Variants in NLGN1 observed in about 807,000 individuals in gnomAD.
The protein encoded by NLGN1 is neuroligin-1.
In NLGN1, 12 loss-of-function variants were observed where a neutral mutation model predicts 65.5. The ratio of observed to expected loss-of-function variants is 0.18; its 90% confidence interval spans 0.12 to 0.30. NLGN1 has a LOEUF of 0.30. NLGN1 is among the 10% of genes least tolerant of loss of function. NLGN1 has a pLI of 1.00. For missense variants in NLGN1, 750 were observed against 1,007.1 expected (o/e 0.74, Z 3.46); for synonymous variants, 350 against 359.5 (o/e 0.97, Z 0.30).
chr3:173,407,465 C>T (rs1711516930), intron 1 of NLGN1, among the ~76,000 whole-genome samples: 1 of 152,066 alleles, frequency 6.6e-6, no homozygotes. Context: ...ATTTAAAGAG[C>T]AGTAATACAT....
intron 4 of NLGN1, among the ~76,000 whole-genome samples, chr3:173,913,609 C>T (rs16831865): frequency 6.6e-6 from 1 of 152,060 alleles, no homozygotes; most frequent in African/African-American, 2.4e-5. Flanking sequence ...TCTCAACATC[C>T]CAGCTAAACT....
intron 4 of NLGN1, among the ~76,000 whole-genome samples, chr3:173,888,728 A>AT (rs935615806): frequency 2.0e-5 from 3 of 151,970 alleles, no homozygotes; most frequent in African/African-American, 7.3e-5. Context: ...ATCGTGACGT[A>AT]TTTTTTTCCT....
chr3:173,820,608 GTACTT>G (rs1026211050), intron 4 of NLGN1, among the ~76,000 whole-genome samples: 3 of 152,126 alleles, frequency 2.0e-5, no homozygotes, highest in Non-Finnish European at 2.9e-5. Context: ...ATTAGGCACA[GTACTT>G]TATTAACAAA....
At chr3:173,984,472 T>A (rs905710055) in intron 4 of NLGN1, among the ~76,000 whole-genome samples, 2 of 152,192 alleles carry the variant, frequency 1.3e-5, no homozygotes, top group Non-Finnish European at 2.9e-5. Flanking sequence ...GGTCAAAAAA[T>A]TCAAATTATT....
chr3:174,074,209 G>C (rs552705868), intron 4 of NLGN1, among the ~76,000 whole-genome samples: 1 of 152,088 alleles, frequency 6.6e-6, no homozygotes, highest in Non-Finnish European at 1.5e-5. Flanking sequence ...ACGTGTTTCT[G>C]TCTAAGACTG....
chr3:174,210,097 G>C (rs866294574), intron 4 of NLGN1, among the ~76,000 whole-genome samples: 1 of 151,948 alleles, frequency 6.6e-6, no homozygotes, highest in Non-Finnish European at 1.5e-5. Context: ...TCACATTATA[G>C]GTTCCCCTTA....
chr3:174,269,253 A>C (rs2152874535), intron 4 of NLGN1, among the ~76,000 whole-genome samples: 1 of 152,106 alleles, frequency 6.6e-6, no homozygotes, highest in East Asian at 1.9e-4. Flanking sequence ...TATATTAAGT[A>C]TATTCACATT....
At chr3:174,138,681 G>T (rs541882404) in intron 4 of NLGN1, among the ~76,000 whole-genome samples, 2 of 151,926 alleles carry the variant, frequency 1.3e-5, no homozygotes, top group Non-Finnish European at 1.5e-5. Context: ...TGATCCGCCC[G>T]CCTCGGCCTC....
chr3:173,807,687 G>A lies in NLGN1; in HGVS notation c.501G>A (p.Arg167=), dbSNP rs934620431. 3.1e-6 allele frequency: 5 copies of A among 1,613,208 alleles called. No homozygotes were observed. In the African/African-American group the frequency reaches 4.0e-5, roughly 13 times the overall value. ...CAACCATTTGTTTTCCAGATATTCGGGACAGTGGGGGTCCCAAACCAGTGA... is the reference window on the plus strand; with the variant it reads ...CAACCATTTGTTTTCCAGATATTCGAGACAGTGGGGGTCCCAAACCAGTGA... Residue 167 remains arginine (R), a synonymous_variant, in exon 4 of 7, where the codon CGG becomes CGA. Coordinates refer to ENST00000457714, the Ensembl canonical transcript of NLGN1.
chr3:173,842,426 C>G (rs1724969880), intron 4 of NLGN1, among the ~76,000 whole-genome samples: 1 of 152,150 alleles, frequency 6.6e-6, no homozygotes, highest in Non-Finnish European at 1.5e-5. Context: ...GTCCACAGTC[C>G]AAAGTCTCAT....
intron 4 of NLGN1, among the ~76,000 whole-genome samples, chr3:174,071,732 AAAAAT>A (rs1739928820): frequency 6.6e-6 from 1 of 151,980 alleles, no homozygotes; most frequent in Non-Finnish European, 1.5e-5. Flanking sequence ...AAAAAAAAAA[AAAAAT>A]CAAGTGTGCA....
At position 174,280,852 on chromosome 3, in the gene NLGN1, C is replaced by T; in HGVS notation, c.2021C>T (p.Thr674Ile). ...TCAGTGGATCAAAGGGACTACTCAA[C>T]AGAGCTGAGTGTCACTATTGCAGTT... is the stretch of plus-strand genomic sequence containing the variant. Residue 674 changes from threonine (T) to isoleucine (I), a missense_variant, in exon 7 of 7, where the codon ACA (threonine) becomes ATA (isoleucine). Thr to Ile is a moderately conservative substitution (Grantham distance 89, BLOSUM62 -1). Coordinates refer to ENST00000457714, the Ensembl canonical transcript of NLGN1. The surrounding 1 kb of genome is among the most constrained non-coding windows in gnomAD (Gnocchi z 4.9). 6.2e-7 allele frequency: 1 copy of T among 1,613,396 alleles called. No homozygotes were observed. Among genetic ancestry groups the T allele is most frequent in the Non-Finnish European group, 8.5e-7 (1 of 1,179,594 alleles).
intron 4 of NLGN1, among the ~76,000 whole-genome samples, chr3:174,254,890 A>G (rs1745398022): frequency 6.6e-6 from 1 of 152,202 alleles, no homozygotes; most frequent in Non-Finnish European, 1.5e-5. Context: ...ATCATTAACT[A>G]ATTCTCCCTT....
chr3:174,172,345 G>C (rs184711679), intron 4 of NLGN1, among the ~76,000 whole-genome samples: 1 of 152,002 alleles, frequency 6.6e-6, no homozygotes, highest in East Asian at 1.9e-4. Context: ...AATTATTTTT[G>C]ACTATGATCA....
intron 4 of NLGN1, among the ~76,000 whole-genome samples, chr3:173,959,457 T>C (rs1010511526): frequency 2.6e-5 from 4 of 152,254 alleles, no homozygotes; most frequent in East Asian, 3.9e-4. Flanking sequence ...AATGCTTATG[T>C]TGATACATGA....
chr3:173,655,812 T>G (rs1759928895), intron 3 of NLGN1, among the ~76,000 whole-genome samples: 1 of 151,816 alleles, frequency 6.6e-6, no homozygotes, highest in Non-Finnish European at 1.5e-5. Flanking sequence ...CGTGAGGTTC[T>G]CAATGGAAAA....
At chr3:174,094,746 T>TAACAAA in intron 4 of NLGN1, among the ~76,000 whole-genome samples, 1 of 88,906 alleles carries the variant, frequency 1.1e-5, no homozygotes, top group South Asian at 4.6e-4. Context: ...TTGGCTCCGC[T>TAACAAA]AAAAAAAAAA....
At chr3:173,717,437 T>G (rs865967070) in intron 3 of NLGN1, among the ~76,000 whole-genome samples, 13 of 152,144 alleles carry the variant, frequency 8.5e-5, no homozygotes, top group African/African-American at 3.1e-4. Context: ...ACTAAAGGTG[T>G]TGATCCAGCT....
At chr3:173,832,418 AT>A (rs1722782481) in intron 4 of NLGN1, among the ~76,000 whole-genome samples, 1 of 152,218 alleles carries the variant, frequency 6.6e-6, no homozygotes, top group Admixed American at 6.5e-5. Context: ...TACAGGATTG[AT>A]ATTCTTTTAA....
Sources: gnomAD v4.1 joint callset for allele counts (sites outside exome capture counted in the v4.1 genomes callset) on GRCh38, gnomAD v4.1.1 for gene constraint, Gnocchi (gnomAD v3.1) non-coding constraint, MANE v1.5 for transcripts, NCBI Gene and HGNC (gene_info 2026-07-23, HGNC 2026-07-21) for gene names.